PDZD2: variants seen among roughly 807,000 people sequenced by gnomAD.
The protein encoded by PDZD2 is PDZ domain containing 2.
PDZD2 carries 90 observed loss-of-function variants against 220.7 expected under a neutral mutation model. That is an observed-to-expected ratio of 0.41 (90% CI 0.34 to 0.49). PDZD2 has a LOEUF of 0.49. Among genes scored for constraint, PDZD2 ranks in the 20% least tolerant of loss-of-function variants. The pLI, the probability that PDZD2 is intolerant of heterozygous loss-of-function variation, is 0.28. For synonymous variants in PDZD2, 1,375 were observed against 1,450.5 expected (o/e 0.95, Z 1.18); for missense variants, 3,174 against 3,608.5 (o/e 0.88, Z 3.08).
At chr5:31,887,049 T>C (rs1410786600) in intron 2 of PDZD2, among the ~76,000 whole-genome samples, 2 of 152,206 alleles carry the variant, frequency 1.3e-5, no homozygotes, top group Non-Finnish European at 2.9e-5. Context: ...AGTGCCAGGC[T>C]GTGCCATGCA....
intron 10 of PDZD2, among the ~76,000 whole-genome samples, chr5:32,056,346 G>C (rs1215542707): frequency 6.6e-6 from 1 of 152,180 alleles, no homozygotes; most frequent in East Asian, 1.9e-4. Flanking sequence ...GTGTGCTCCT[G>C]GGATTGGCTG....
chr5:31,873,418 C>A (rs1489101324), intron 2 of PDZD2, among the ~76,000 whole-genome samples: 1 of 147,252 alleles, frequency 6.8e-6, no homozygotes, highest in East Asian at 2.0e-4. Flanking sequence ...GTTTGGGTGA[C>A]AGAGTGAAGC....
chr5:31,957,011 T>C (rs964227564), intron 2 of PDZD2, among the ~76,000 whole-genome samples: 10 of 152,292 alleles, frequency 6.6e-5, no homozygotes, highest in African/African-American at 2.4e-4. Context: ...ACTATACCTA[T>C]AGGAGATCAC....
intron 6 of PDZD2, among the ~76,000 whole-genome samples, chr5:32,014,964 C>CGGA (rs1368909094): frequency 1.3e-5 from 1 of 76,740 alleles, no homozygotes; most frequent in Admixed American, 1.8e-4. Context: ...TTTTTTGAGA[C>CGGA]GGAGTCTCAC....
intron 1 of PDZD2, among the ~76,000 whole-genome samples, chr5:31,698,440 C>A (rs1296480709): frequency 6.8e-6 from 1 of 147,308 alleles, no homozygotes; most frequent in African/African-American, 2.5e-5. Context: ...CTAAAAAATA[C>A]AAAAAAAAAT....
chr5:31,869,942 G>A (rs942930207), intron 2 of PDZD2, among the ~76,000 whole-genome samples: 17 of 152,228 alleles, frequency 1.1e-4, no homozygotes, highest in Admixed American at 2.0e-4. Context: ...CCTCTCCGGC[G>A]ATACTCTCCC....
At chr5:31,920,395 C>T (rs938212413) in intron 2 of PDZD2, among the ~76,000 whole-genome samples, 3 of 151,952 alleles carry the variant, frequency 2.0e-5, no homozygotes, top group Admixed American at 6.6e-5. Flanking sequence ...TCAACGCCCC[C>T]CCCCCCCACT....
Position 31,919,237 on chromosome 5 carries a change from A to G in PDZD2, c.477-63918A>G, listed in dbSNP as rs1265423408. On this transcript the variant is annotated intron_variant, in intron 2 of 24. Transcript: ENST00000438447. The stretch of plus-strand genomic sequence containing the variant: ...ATTTTAGCAAAACCTCTGCAGCTAC[A>G]TTGCACATTTTCATATGAGGAAACT... 2.0e-5 allele frequency among the ~76,000 whole-genome samples: 3 copies of G among 152,336 alleles called. No homozygotes were observed. The East Asian group carries it at 5.8e-4, about 29-fold the overall frequency.
At chr5:31,864,163 T>C (rs1478387205) in intron 2 of PDZD2, among the ~76,000 whole-genome samples, 6 of 152,216 alleles carry the variant, frequency 3.9e-5, no homozygotes, top group African/African-American at 1.4e-4. Flanking sequence ...CTAACCTTGC[T>C]GGGCTTCTGA....
chr5:31,776,951 G>A (rs10472780), intron 1 of PDZD2, among the ~76,000 whole-genome samples: 42,702 of 151,828 alleles, frequency 0.28, 7,215 homozygotes, highest in East Asian at 0.66. Context: ...ACGTGCTGGC[G>A]GCCCTCACTC....
At chr5:31,878,207 T>G (rs1462134129) in intron 2 of PDZD2, among the ~76,000 whole-genome samples, 5 of 152,132 alleles carry the variant, frequency 3.3e-5, no homozygotes, top group Non-Finnish European at 5.9e-5. Context: ...CTGAAATGTG[T>G]GACAGATAGC....
chr5:31,756,854 T>C (rs1329965868), intron 1 of PDZD2, among the ~76,000 whole-genome samples: 3 of 152,232 alleles, frequency 2.0e-5, no homozygotes, highest in Non-Finnish European at 4.4e-5. Context: ...AGGGCAGGCA[T>C]TGGAAGAGAC....
In PDZD2 at chr5:32,108,179, A is replaced by AAATC. The variant is rs1744983526; in HGVS notation, c.*46_*49dup. 7.1e-7 allele frequency: 1 copy of AAATC among 1,401,298 alleles called. No homozygotes were observed. Among genetic ancestry groups the AAATC allele is most frequent in the Non-Finnish European group, 9.9e-7 (1 of 1,007,222 alleles). 86.8% of individuals were successfully genotyped at this position (1,401,298 alleles called of 1,614,324 possible). ...TTCTCAGTTCTCTTCTTTCTTTAGCAAATCAGAGTGACTTCTTTAAACCAC... is the reference window on the plus strand; with the variant it reads ...TTCTCAGTTCTCTTCTTTCTTTAGCAAATCAATCAGAGTGACTTCTTTAAACCAC... On this transcript the variant is annotated 3_prime_UTR_variant, in exon 25 of 25. Coordinates refer to ENST00000438447, the MANE Select transcript of PDZD2 (RefSeq NM_178140.4).
intron 1 of PDZD2, among the ~76,000 whole-genome samples, chr5:31,747,492 C>A (rs145055735): frequency 1.3e-5 from 2 of 152,200 alleles, no homozygotes; most frequent in East Asian, 3.9e-4. Context: ...TTTCAGGTGA[C>A]AAGGTGCTGT....
intron 2 of PDZD2, among the ~76,000 whole-genome samples, chr5:31,915,326 C>G (rs4132576): frequency 3.9e-5 from 6 of 152,178 alleles, no homozygotes; most frequent in Admixed American, 3.9e-4. Context: ...CCCCCAGATT[C>G]TGCTCATTCC....
intron 1 of PDZD2, among the ~76,000 whole-genome samples, chr5:31,688,574 C>T (rs1678916): frequency 0.57 from 86,162 of 151,866 alleles, 24,729 homozygotes; most frequent in East Asian, 0.69. Context: ...GGGTAGGTGA[C>T]GGATATGGTG....
At position 31,710,387 on chromosome 5, in the gene PDZD2, C is replaced by G. The variant is rs182496158; in HGVS notation, c.-361+70950C>G. On this transcript the variant is annotated intron_variant, in intron 1 of 24. Transcript: ENST00000438447. ...AAATAAAGTTTCAATAAATCAGCGT[C>G]ATTATTAGTGCAAAATCCATGCGGA... Among the ~76,000 whole-genome samples the G allele has an allele frequency of 4.7e-4, 72 of 152,212 alleles. No individual in the cohort carries two copies. In the Middle Eastern group the frequency reaches 0.02, roughly 43 times the overall value.
chr5:31,651,610 T>G (rs1745350609), intron 1 of PDZD2, among the ~76,000 whole-genome samples: 1 of 150,154 alleles, frequency 6.7e-6, no homozygotes. Flanking sequence ...TGCGCTAGGA[T>G]AGTTGGACTT....
intron 19 of PDZD2, among the ~76,000 whole-genome samples, chr5:32,082,134 GC>G (rs1742025473): frequency 6.6e-6 from 1 of 151,014 alleles, no homozygotes; most frequent in African/African-American, 2.4e-5. Flanking sequence ...CAATTCTCCT[GC>G]CTCAGCCTCC....
Sources: allele counts gnomAD v4.1 joint callset (sites outside exome capture counted in the v4.1 genomes callset), GRCh38; gene constraint gnomAD v4.1.1; transcripts MANE v1.5; gene names NCBI Gene and HGNC (gene_info 2026-07-23, HGNC 2026-07-21).